The following PML variants were observed in gnomAD, a reference collection of about 807,000 sequenced individuals.
PML encodes the protein PML nuclear body scaffold.
PML carries 28 observed loss-of-function variants against 65.2 expected under a neutral mutation model. The observed-to-expected ratio is 0.43, with a 90% CI of 0.32 to 0.59. The LOEUF (loss-of-function observed/expected upper bound fraction) is 0.59, where lower values mean the gene tolerates loss of function less well. Among genes scored for constraint, PML ranks in the 20% least tolerant of loss-of-function variants. PML has a pLI of 0.08. For missense variants in PML, 1,021 were observed against 1,203.4 expected (o/e 0.85, Z 2.24); for synonymous variants, 500 against 508.8 (o/e 0.98, Z 0.23).
Position 74,045,935 on chromosome 15 carries a change from T to A in PML, c.*927T>A, listed in dbSNP as rs994588134. The stretch of plus-strand genomic sequence containing the variant: ...TCTGTGTTTTAACAGGTTCTCCCGG[T>A]GATGCTGGTGCATGCTCAAGTTTGA... On this transcript the variant is annotated 3_prime_UTR_variant, in exon 9 of 9. Coordinates refer to ENST00000268058, the MANE Select transcript of PML (RefSeq NM_033238.3). 3 of 232,252 alleles carry A rather than the reference T, an allele frequency of 1.3e-5. No individual in the cohort carries two copies. The highest frequency in any genetic ancestry group is 1.1e-4 in the Admixed American group (2 of 17,754). 14.4% of individuals were successfully genotyped at this position (232,252 alleles called of 1,614,324 possible).
At position 74,037,649 on chromosome 15, in the gene PML, G is replaced by A. The variant is rs1325170270; in HGVS notation, c.1710+3119G>A. On this transcript the variant is annotated intron_variant, in intron 7 of 8. Coordinates refer to ENST00000268058, the MANE Select transcript of PML (RefSeq NM_033238.3). The surrounding 1 kb of genome is among the most constrained non-coding windows in gnomAD (Gnocchi z 4.2). ...CCTCTGTGCCTCTAGGTGCAGTGTC[G>A]CGTTTAGTCGTTATTATTCTTGACC... 22 of 985,194 alleles carry A rather than the reference G, an allele frequency of 2.2e-5. No homozygotes were observed. The highest frequency in any genetic ancestry group is 2.2e-5 in the Non-Finnish European group (18 of 829,920). The allele number at this position is 985,194 out of a possible 1,614,324, so 61.0% of individuals were successfully genotyped here.
chr15:74,034,831 T>C (rs1039033479), intron 7 of PML: 5 of 1,437,428 alleles, frequency 3.5e-6, no homozygotes, highest in Non-Finnish European at 4.5e-6. Context: ...TTATGCATTT[T>C]CTGTCCTCTA....
rs535665071 is a variant in PML, at chr15:74,016,792, CTTTT to C, written c.603-6017_603-6014del. The stretch of plus-strand genomic sequence containing the variant: ...TTTTGAATTTTTTAGGCAGTGGCAT[CTTTT>C]TTTTTTTTTTTTTTTTTTGAGATGG... On this transcript the variant is annotated intron_variant, in intron 2 of 8. Coordinates refer to ENST00000268058, the MANE Select transcript of PML (RefSeq NM_033238.3). 2.2e-3 allele frequency among the ~76,000 whole-genome samples: 167 copies of C among 77,640 alleles called. 2 individuals carry two copies. Among genetic ancestry groups the C allele is most frequent in the African/African-American group, 7.4e-3 (154 of 20,892 alleles). 50.9% of individuals were successfully genotyped at this position (77,640 alleles called of 152,430 possible). A position where few individuals can be genotyped will look rare whatever the true frequency, so the allele number is the denominator to read the frequency against.
rs546604386 is a variant in PML, at chr15:74,035,839, C to A, written c.1710+1309C>A. The A allele has an allele frequency of 2.0e-5, 33 of 1,613,824 alleles. No homozygotes were observed. The African/African-American group carries it at 4.3e-4, about 21-fold the overall frequency. On this transcript the variant is annotated intron_variant, in intron 7 of 8. Transcript: ENST00000268058. The surrounding 1 kb of genome is among the most constrained non-coding windows in gnomAD (Gnocchi z 4.1). The stretch of plus-strand genomic sequence containing the variant: ...GACTCTGTCAGAGGCTCCATGGAGG[C>A]CTCTCAAGTCCAAGTGCCTCTGGAA...
chr15:74,023,356 C>A lies in PML; in HGVS notation c.1131C>A (p.Asp377Glu). Residue 377 changes from aspartate (D) to glutamate (E), a missense_variant, in exon 3 of 9, where the codon GAC (aspartate) becomes GAA (glutamate). Physicochemically the swap from Asp to Glu is conservative, Grantham distance 45. Transcript: ENST00000268058. The part of the protein sequence containing the change: ...LQAAVRTDGF[D>E]EFKVRLQDLS... ...CTGCCGTGCGCACCGATGGCTTCGACGAGTTCAAGGTGCGCCTGCAGGACC... is the reference window on the plus strand; with the variant it reads ...CTGCCGTGCGCACCGATGGCTTCGAAGAGTTCAAGGTGCGCCTGCAGGACC... 1 of 1,602,156 alleles carries A rather than the reference C, an allele frequency of 6.2e-7. No individual in the cohort carries two copies. Among genetic ancestry groups the A allele is most frequent in the Non-Finnish European group, 8.5e-7 (1 of 1,179,940 alleles).
In PML at chr15:74,045,498, C is replaced by T. The variant is rs1244309612; in HGVS notation, c.*490C>T. The T allele has an allele frequency of 4.2e-6, 1 of 240,656 alleles. No individual in the cohort carries two copies. Among genetic ancestry groups the T allele is most frequent in the Non-Finnish European group, 8.1e-6 (1 of 123,026 alleles). 14.9% of individuals were successfully genotyped at this position (240,656 alleles called of 1,614,324 possible). ...GTGCCTTCCAAACCAAACTGCCCCT[C>T]ATGAGGTTAGGGTCCCCCACCCTCC... is the stretch of plus-strand genomic sequence containing the variant. On this transcript the variant is annotated 3_prime_UTR_variant, in exon 9 of 9. Transcript: ENST00000268058.
intron 2 of PML, among the ~76,000 whole-genome samples, chr15:74,012,931 G>GTA (rs2070401618): frequency 1.3e-5 from 2 of 152,066 alleles, no homozygotes; most frequent in African/African-American, 4.8e-5. Context: ...TCTCGGCTGG[G>GTA]TATAATATTC....
chr15:74,033,571 G>A, intron 6 of PML, 157 bp downstream of exon 6: 1 of 822,870 alleles, frequency 1.2e-6, no homozygotes, highest in Non-Finnish European at 2.0e-6. Context: ...GTGCGTGGGG[G>A]TGAGAGTGGA....
At position 74,043,818 on chromosome 15, in the gene PML, C is replaced by T. The variant is rs543165114; in HGVS notation, c.1862-403C>T. On this transcript the variant is annotated intron_variant, in intron 8 of 8. Transcript: ENST00000268058. The surrounding 1 kb of genome is among the most constrained non-coding windows in gnomAD (Gnocchi z 4.3). ...TGCTTTCTATGTCCCAGGGCTCTGA[C>T]TGGGCTGGGGTCCTTGAGGGGATTG... The T allele has an allele frequency of 5.6e-5, 30 of 533,342 alleles. No homozygotes were observed. Among genetic ancestry groups the T allele is most frequent in the Non-Finnish European group, 8.1e-5 (22 of 271,932 alleles). 33.0% of individuals were successfully genotyped at this position (533,342 alleles called of 1,614,324 possible).
At chr15:74,014,809 G>T (rs1045388340) in intron 2 of PML, among the ~76,000 whole-genome samples, 1 of 152,040 alleles carries the variant, frequency 6.6e-6, no homozygotes, top group African/African-American at 2.4e-5. Context: ...GGACAGGGAG[G>T]CATCCAGGAG....
At chr15:74,024,765 A>G in intron 3 of PML, 92 bp from the exon 4 acceptor site, 1 of 941,314 alleles carries the variant, frequency 1.1e-6, no homozygotes, top group Non-Finnish European at 1.8e-6. Context: ...CTGGAAAAGC[A>G]ACAGGGACCT....
Position 74,043,808 on chromosome 15 carries a change from A to G in PML, c.1862-413A>G, listed in dbSNP as rs899403868. On this transcript the variant is annotated intron_variant, in intron 8 of 8. Coordinates refer to ENST00000268058, the MANE Select transcript of PML (RefSeq NM_033238.3). The surrounding 1 kb of genome is among the most constrained non-coding windows in gnomAD (Gnocchi z 4.3). The stretch of plus-strand genomic sequence containing the variant: ...CTGAGTGGAGTGCTTTCTATGTCCC[A>G]GGGCTCTGACTGGGCTGGGGTCCTT... 2.4e-5 allele frequency: 13 copies of G among 533,792 alleles called. 1 individual carries two copies. The highest frequency in any genetic ancestry group is 2.3e-4 in the Admixed American group (12 of 51,262). 33.1% of individuals were successfully genotyped at this position (533,792 alleles called of 1,614,324 possible). A position where few individuals can be genotyped will look rare whatever the true frequency, so the allele number is the denominator to read the frequency against.
chr15:74,036,253 AT>A, intron 7 of PML: 1 of 1,500,012 alleles, frequency 6.7e-7, no homozygotes, highest in Non-Finnish European at 8.9e-7. Flanking sequence ...TCCCTGGCCA[AT>A]AGCACAGCCT....
intron 7 of PML, among the ~76,000 whole-genome samples, chr15:74,039,038 G>C (rs935257724): frequency 6.6e-6 from 1 of 152,214 alleles, no homozygotes; most frequent in African/African-American, 2.4e-5. Context: ...GGAAAAGATA[G>C]GTGTTTTCAC....
chr15:74,019,270 G>A (rs745566579), intron 2 of PML, among the ~76,000 whole-genome samples: 11 of 152,176 alleles, frequency 7.2e-5, no homozygotes, highest in Non-Finnish European at 1.2e-4. Flanking sequence ...TGCCTGAGGC[G>A]TGCCCTTCCA....
Position 74,045,098 on chromosome 15 carries a change from C to A in PML, c.*90C>A. 8.5e-7 allele frequency: 1 copy of A among 1,181,868 alleles called. No individual in the cohort carries two copies. The highest frequency in any genetic ancestry group is 1.2e-6 in the Non-Finnish European group (1 of 849,418). The allele number at this position is 1,181,868 out of a possible 1,614,324, so 73.2% of individuals were successfully genotyped here. The stretch of plus-strand genomic sequence containing the variant: ...CCCACCCATCACAGCATTCCCAGGT[C>A]CTGGTACCCAGCCCTCAGTTGTCAT... On this transcript the variant is annotated 3_prime_UTR_variant, in exon 9 of 9. Coordinates refer to ENST00000268058, the MANE Select transcript of PML (RefSeq NM_033238.3).
Position 73,998,433 on chromosome 15 carries a change from ATCT to A in PML, c.563_565del (p.Phe188del), listed in dbSNP as rs1417710709. On this transcript the variant is annotated inframe_deletion, in exon 2 of 9. Coordinates refer to ENST00000268058, the MANE Select transcript of PML (RefSeq NM_033238.3). ...GGACGGCACCCGCAAGACCAACAAC[ATCT>A]TCTGCTCCAACCCCAACCACCGCAC... 2.5e-6 allele frequency: 4 copies of A among 1,613,916 alleles called. No individual in the cohort carries two copies. The highest frequency in any genetic ancestry group is 3.4e-6 in the Non-Finnish European group (4 of 1,179,952).
intron 7 of PML, 55 bp downstream of exon 7, chr15:74,034,585 C>T (rs1555444221): frequency 1.2e-6 from 2 of 1,614,204 alleles, no homozygotes; most frequent in Admixed American, 3.3e-5. Context: ...TTTCAGGTCC[C>T]AGGGGGCACA....
intron 7 of PML, among the ~76,000 whole-genome samples, chr15:74,038,859 G>A (rs1460632170): frequency 6.6e-6 from 1 of 152,218 alleles, no homozygotes; most frequent in African/African-American, 2.4e-5. Flanking sequence ...TTCAGTGAGA[G>A]ACTGTTTGTG....
Sources: allele counts gnomAD v4.1 joint callset (sites outside exome capture counted in the v4.1 genomes callset), GRCh38; gene constraint gnomAD v4.1.1; non-coding constraint Gnocchi (gnomAD v3.1); transcripts MANE v1.5; gene names NCBI Gene and HGNC (gene_info 2026-07-23, HGNC 2026-07-21).